The following SAMD5 variants were observed in gnomAD, a reference collection of about 807,000 sequenced individuals.
The protein encoded by SAMD5 is sterile alpha motif domain-containing protein 5.
In SAMD5, 13 loss-of-function variants were observed where a neutral mutation model predicts 11.3. The ratio of observed to expected loss-of-function variants is 1.15; its 90% CI spans 0.75 to 1.83. The LOEUF is 1.83. SAMD5 is among the 40% of genes most tolerant of loss of function. SAMD5 has a pLI of 0.00. For synonymous variants in SAMD5, 129 were observed against 111.3 expected, an observed-to-expected ratio of 1.16 and a Z score of -1.00; for missense variants, 255 against 239.1, an observed-to-expected ratio of 1.07 and a Z score of -0.44.
intron 1 of SAMD5, among the ~76,000 whole-genome samples, chr6:147,582,423 C>T (rs1377969233): frequency 1.3e-5 from 2 of 152,088 alleles, no homozygotes; most frequent in South Asian, 2.1e-4. Flanking sequence ...GTCTCTGTGC[C>T]GGCTTTGCCA....
chr6:147,612,844 C>T (rs1789806356), intron 1 of SAMD5, among the ~76,000 whole-genome samples: 1 of 152,122 alleles, frequency 6.6e-6, no homozygotes, highest in Non-Finnish European at 1.5e-5. Flanking sequence ...AGTGACATGA[C>T]TCAGTCTTCC....
chr6:147,758,669 C>G, the SAMD5 span, among the ~76,000 whole-genome samples: 1 of 152,136 alleles, frequency 6.6e-6, no homozygotes, highest in Non-Finnish European at 1.5e-5. Context: ...AAATGGAAAT[C>G]GAGTCAGGGC....
intron 1 of SAMD5, among the ~76,000 whole-genome samples, chr6:147,698,820 A>G (rs899133148): frequency 1.3e-5 from 2 of 152,186 alleles, no homozygotes; most frequent in African/African-American, 4.8e-5. Flanking sequence ...AGGATGCTCT[A>G]TGGAATTCCT....
chr6:147,890,581 G>A, the SAMD5 span, among the ~76,000 whole-genome samples: 9 of 152,022 alleles, frequency 5.9e-5, no homozygotes, highest in Admixed American at 5.2e-4. Flanking sequence ...CTGGTCTCAA[G>A]CTCCTGACCT....
chr6:147,835,358 T>C, the SAMD5 span, among the ~76,000 whole-genome samples: 1 of 151,948 alleles, frequency 6.6e-6, no homozygotes, highest in Non-Finnish European at 1.5e-5. Flanking sequence ...GGCTCTCCCA[T>C]AGTGACATCT....
At position 147,685,637 on chromosome 6, in the gene SAMD5, G is replaced by T. The variant is rs73011994; in HGVS notation, c.163-51680G>T. Among the ~76,000 whole-genome samples the T allele has an allele frequency of 8.8e-3, 1,340 of 152,256 alleles. 8 individuals are homozygous for T. Among genetic ancestry groups the T allele is most frequent in the Non-Finnish European group, 0.014 (939 of 68,004 alleles). On this transcript the variant is annotated intron_variant, in intron 1 of 1. Coordinates refer to the SAMD5 transcript ENST00000566741. ...CAATGGCAGTAGTGTCAACATTCCT[G>T]AGGTCAACTATTTCTTCTCTAATTT... is the stretch of plus-strand genomic sequence containing the variant.
At chr6:147,685,889 A>G (rs571812977) in intron 1 of SAMD5, among the ~76,000 whole-genome samples, 2 of 152,340 alleles carry the variant, frequency 1.3e-5, no homozygotes, top group African/African-American at 4.8e-5. Flanking sequence ...GCGATGTCAT[A>G]GGTCACTGAT....
At chr6:147,933,276 C>T in the SAMD5 span, among the ~76,000 whole-genome samples, 6 of 152,306 alleles carry the variant, frequency 3.9e-5, no homozygotes, top group African/African-American at 1.2e-4. Flanking sequence ...CCAGACATGC[C>T]TCATGACATC....
chr6:147,889,600 G>T, the SAMD5 span, among the ~76,000 whole-genome samples: 1 of 152,106 alleles, frequency 6.6e-6, no homozygotes, highest in South Asian at 2.1e-4. Context: ...CTTGAGCTTT[G>T]TTCTGTCACA....
intron 1 of SAMD5, among the ~76,000 whole-genome samples, chr6:147,679,031 T>G (rs1235181990): frequency 6.6e-6 from 1 of 152,190 alleles, no homozygotes; most frequent in Non-Finnish European, 1.5e-5. Context: ...ATACCACAAT[T>G]TAATGGATAG....
chr6:147,589,533 G>A (rs1036852361), intron 1 of SAMD5, among the ~76,000 whole-genome samples: 2 of 152,080 alleles, frequency 1.3e-5, no homozygotes, highest in Non-Finnish European at 1.5e-5. Context: ...GTGATCCTGA[G>A]CAGGCTAGCC....
At chr6:147,927,205 C>G in the SAMD5 span, among the ~76,000 whole-genome samples, 1 of 152,086 alleles carries the variant, frequency 6.6e-6, no homozygotes. Context: ...TGAAGAATGT[C>G]ATTGGTAGTT....
intron 1 of SAMD5, among the ~76,000 whole-genome samples, chr6:147,591,867 T>C (rs192535532): frequency 6.6e-6 from 1 of 152,126 alleles, no homozygotes; most frequent in East Asian, 1.9e-4. Flanking sequence ...CTTCTCAGAG[T>C]TCCTGTGCCA....
At chr6:147,698,345 G>A (rs1409951311) in intron 1 of SAMD5, among the ~76,000 whole-genome samples, 1 of 152,254 alleles carries the variant, frequency 6.6e-6, no homozygotes, top group Admixed American at 6.5e-5. Flanking sequence ...GGGTATTCCA[G>A]TGTGTGAGTT....
the SAMD5 span, among the ~76,000 whole-genome samples, chr6:147,790,790 C>CT: frequency 1.1e-5 from 1 of 92,566 alleles, no homozygotes; most frequent in African/African-American, 4.6e-5. Flanking sequence ...CTCTCTCTCT[C>CT]TCTCTCTCTC....
intron 1 of SAMD5, among the ~76,000 whole-genome samples, chr6:147,638,358 A>G (rs975157338): frequency 6.6e-6 from 1 of 152,242 alleles, no homozygotes; most frequent in Non-Finnish European, 1.5e-5. Context: ...AAGAAATTTA[A>G]TAAAGGTATT....
At chr6:147,916,161 AT>A in the SAMD5 span, among the ~76,000 whole-genome samples, 5 of 152,112 alleles carry the variant, frequency 3.3e-5, no homozygotes, top group African/African-American at 1.2e-4. Flanking sequence ...ATTGTTGGAC[AT>A]TTGGGTTGGT....
At position 147,569,850 on chromosome 6, in the gene SAMD5, A is replaced by G. The variant is rs1274120492; in HGVS notation, c.*5394A>G. On this transcript the variant is annotated 3_prime_UTR_variant, in exon 2 of 2. Coordinates refer to ENST00000367474, the MANE Select transcript of SAMD5 (RefSeq NM_001030060.3). ...GTTTGGTTTTGTAAATGTAATTGCA[A>G]TTGACACTTTCTTTTCCCTTTCAGT... 1.0e-6 allele frequency: 1 copy of G among 985,094 alleles called. No individual in the cohort carries two copies. The highest frequency in any genetic ancestry group is 5.2e-4 in the Middle Eastern group (1 of 1,914). The allele number at this position is 985,094 out of a possible 1,614,324, so 61.0% of individuals were successfully genotyped here.
intron 1 of SAMD5, among the ~76,000 whole-genome samples, chr6:147,651,120 T>G (rs893664437): frequency 5.3e-5 from 8 of 152,214 alleles, no homozygotes; most frequent in African/African-American, 1.9e-4. Flanking sequence ...CTATTCAGAA[T>G]GTATTGTCCA....
Sources: gnomAD v4.1 joint callset for allele counts (sites outside exome capture counted in the v4.1 genomes callset) on GRCh38, gnomAD v4.1.1 for gene constraint, MANE v1.5 for transcripts, NCBI Gene and HGNC (gene_info 2026-07-23, HGNC 2026-07-21) for gene names.